NBAS: variants seen among roughly 807,000 people sequenced by gnomAD.
NBAS encodes NBAS subunit of NRZ tethering complex.
In NBAS, 219 loss-of-function variants were observed where a neutral mutation model predicts 302.5. The ratio of observed to expected loss-of-function variants is 0.72; its 90% CI spans 0.65 to 0.81. The LOEUF (loss-of-function observed/expected upper bound fraction) is 0.81. Ranked by LOEUF, NBAS falls within the 30% of genes least tolerant of loss-of-function variation. The pLI is 0.00. For missense variants in NBAS, 2,932 were observed against 2,841.6 expected (o/e 1.03, Z -0.72); for synonymous variants, 1,118 against 1,021.6 (o/e 1.09, Z -1.80).
At chr2:15,055,230 A>C in the NBAS span, among the ~76,000 whole-genome samples, 1 of 152,284 alleles carries the variant, frequency 6.6e-6, no homozygotes, top group South Asian at 2.1e-4. Flanking sequence ...AGCCAAGGGA[A>C]CAGGAGGTTT....
downstream of NBAS, among the ~76,000 whole-genome samples, chr2:15,166,526 A>G (rs1664026893): frequency 6.6e-6 from 1 of 152,188 alleles, no homozygotes; most frequent in African/African-American, 2.4e-5. Context: ...ACAACCCCAC[A>G]TAATACTTAT....
At chr2:15,172,228 T>G (rs530011039) in intron 51 of NBAS, among the ~76,000 whole-genome samples, 30 of 152,340 alleles carry the variant, frequency 2.0e-4, no homozygotes, top group African/African-American at 7.2e-4. Flanking sequence ...ACCTCAAGGT[T>G]GCTTTCATTT....
In NBAS at chr2:15,305,731, G is replaced by A. The variant is rs528217308; in HGVS notation, c.4797+2485C>T. Among the ~76,000 whole-genome samples the A allele has an allele frequency of 1.8e-4, 27 of 152,286 alleles. No individual in the cohort carries two copies. In the South Asian group the frequency reaches 5.6e-3, roughly 32 times the overall value. ...CAAAGTGTTGTGATTACAGGCATGA[G>A]CCACTGCACCTGGCCTGGGAAGTTC... On this transcript the variant is annotated intron_variant, in intron 40 of 51. Coordinates refer to ENST00000281513, the MANE Select transcript of NBAS (RefSeq NM_015909.4).
At chr2:14,784,732 T>C in the NBAS span, among the ~76,000 whole-genome samples, 3 of 152,320 alleles carry the variant, frequency 2.0e-5, no homozygotes, top group East Asian at 5.8e-4. Context: ...CCTTGTAGTA[T>C]AGTTTGAAGT....
Position 15,534,817 on chromosome 2 carries a change from GT to G in NBAS, c.648-177del, listed in dbSNP as rs1446694088. ...AGAAGGTAATTGATAAAACCACTTGGTAAAAAGTGTAGTTTTTTATAAAAAT... is the reference window on the plus strand; with the variant it reads ...AGAAGGTAATTGATAAAACCACTTGGAAAAAGTGTAGTTTTTTATAAAAAT... On this transcript the variant is annotated intron_variant, in intron 8 of 51. Transcript: ENST00000281513. 2.6e-5 allele frequency among the ~76,000 whole-genome samples: 4 copies of G among 152,268 alleles called. No homozygotes were observed. The East Asian group carries it at 7.7e-4, about 29-fold the overall frequency.
chr2:14,917,188 C>T, the NBAS span, among the ~76,000 whole-genome samples: 1 of 152,214 alleles, frequency 6.6e-6, no homozygotes, highest in Non-Finnish European at 1.5e-5. Flanking sequence ...TACAATTTCT[C>T]ATGAAGCTAC....
At chr2:15,499,452 C>A (rs968174272) in intron 11 of NBAS, among the ~76,000 whole-genome samples, 3 of 152,190 alleles carry the variant, frequency 2.0e-5, no homozygotes, top group Non-Finnish European at 4.4e-5. Flanking sequence ...ATGTCCTTTG[C>A]AGCAACATGG....
intron 48 of NBAS, among the ~76,000 whole-genome samples, chr2:15,206,300 G>C (rs891695030): frequency 6.6e-6 from 1 of 152,108 alleles, no homozygotes; most frequent in Non-Finnish European, 1.5e-5. Flanking sequence ...TCCAAGATGT[G>C]ACCTGGTTTT....
intron 7 of NBAS, among the ~76,000 whole-genome samples, chr2:15,537,839 A>G (rs1663595002): frequency 6.6e-6 from 1 of 152,242 alleles, no homozygotes; most frequent in Non-Finnish European, 1.5e-5. Context: ...TTCTCCTGCT[A>G]ATCTGTCTTT....
At chr2:15,019,751 C>T in the NBAS span, among the ~76,000 whole-genome samples, 411 of 152,034 alleles carry the variant, frequency 2.7e-3, 2 homozygotes, top group African/African-American at 9.2e-3. Flanking sequence ...GAGACCAGTG[C>T]CTTTATAAGA....
intron 26 of NBAS, among the ~76,000 whole-genome samples, chr2:15,400,545 G>A (rs1395483018): frequency 2.0e-5 from 3 of 152,158 alleles, no homozygotes; most frequent in East Asian, 1.9e-4. Flanking sequence ...ATAACAACAC[G>A]AGCATAACAT....
intron 21 of NBAS, among the ~76,000 whole-genome samples, chr2:15,443,187 A>C (rs1177664778): frequency 6.6e-6 from 1 of 152,074 alleles, no homozygotes; most frequent in East Asian, 1.9e-4. Context: ...AAAGCTGGGC[A>C]GAGACACAAC....
the NBAS span, among the ~76,000 whole-genome samples, chr2:14,940,845 A>G: frequency 6.6e-6 from 1 of 152,166 alleles, no homozygotes; most frequent in Non-Finnish European, 1.5e-5. Flanking sequence ...ACATATCTCC[A>G]TTCTACAACT....
chr2:14,829,305 G>C, the NBAS span, among the ~76,000 whole-genome samples: 1 of 152,076 alleles, frequency 6.6e-6, no homozygotes, highest in Non-Finnish European at 1.5e-5. Flanking sequence ...AATAATGCTT[G>C]TCAGTATTAT....
the NBAS span, among the ~76,000 whole-genome samples, chr2:15,046,547 C>T: frequency 6.6e-6 from 1 of 152,284 alleles, no homozygotes; most frequent in South Asian, 2.1e-4. Context: ...AACTCCCTTT[C>T]TGGAATAACA....
intron 47 of NBAS, among the ~76,000 whole-genome samples, chr2:15,229,406 A>G (rs575102258): frequency 1.3e-5 from 2 of 151,758 alleles, no homozygotes; most frequent in East Asian, 3.9e-4. Flanking sequence ...AAACGTGTAC[A>G]ATTATTGTGT....
At chr2:15,228,955 C>T (rs527486377) in intron 47 of NBAS, among the ~76,000 whole-genome samples, 9 of 152,022 alleles carry the variant, frequency 5.9e-5, no homozygotes, top group Non-Finnish European at 1.2e-4. Flanking sequence ...ATTTCAAGAT[C>T]GCTAGAAGAA....
the NBAS span, among the ~76,000 whole-genome samples, chr2:14,916,248 G>T: frequency 6.6e-6 from 1 of 152,080 alleles, no homozygotes; most frequent in African/African-American, 2.4e-5. Flanking sequence ...CTCTGACCTT[G>T]GTTCCCCATC....
intron 12 of NBAS, among the ~76,000 whole-genome samples, chr2:15,483,054 G>A (rs1295459645): frequency 6.6e-6 from 1 of 152,112 alleles, no homozygotes; most frequent in Admixed American, 6.6e-5. Flanking sequence ...TACGGCTAAA[G>A]TAATGTTTTC....
Sources: gnomAD v4.1 joint callset for allele counts (sites outside exome capture counted in the v4.1 genomes callset) on GRCh38, gnomAD v4.1.1 for gene constraint, MANE v1.5 for transcripts, NCBI Gene and HGNC (gene_info 2026-07-23, HGNC 2026-07-21) for gene names.